DCAF1: variants seen among roughly 807,000 people sequenced by gnomAD.
The protein encoded by DCAF1 is DDB1 and CUL4 associated factor 1.
DCAF1 carries 15 observed loss-of-function variants against 128.0 expected under a neutral mutation model. The observed-to-expected ratio is 0.12, with a 90% CI of 0.08 to 0.18. The LOEUF is 0.18. DCAF1 is among the 10% of genes least tolerant of loss of function. DCAF1 has a pLI of 1.00. For missense variants in DCAF1, 988 were observed against 1,649.5 expected (o/e 0.60, Z 6.95); for synonymous variants, 610 against 603.0 (o/e 1.01, Z -0.17).
intron 3 of DCAF1, among the ~76,000 whole-genome samples, chr3:51,472,301 T>C (rs1185063729): frequency 6.6e-6 from 1 of 152,172 alleles, no homozygotes; most frequent in Non-Finnish European, 1.5e-5. Context: ...TCCCACCATC[T>C]AAGCCTCCAC....
intron 23 of DCAF1, among the ~76,000 whole-genome samples, chr3:51,406,342 CAAAAAA>C: frequency 2.1e-5 from 1 of 48,216 alleles, no homozygotes; most frequent in African/African-American, 8.6e-5. Context: ...GACTCTGTCT[CAAAAAA>C]AAAAAAAAAA....
chr3:51,477,490 G>A (rs973352273), intron 3 of DCAF1, among the ~76,000 whole-genome samples: 1 of 151,666 alleles, frequency 6.6e-6, no homozygotes, highest in Non-Finnish European at 1.5e-5. Context: ...AAAAATTAGT[G>A]GAGCATGGTA....
rs1022152294 is a variant in DCAF1, at chr3:51,427,520, G to T, written c.1699C>A (p.Gln567Lys). 3 of 762,276 alleles carry T rather than the reference G, an allele frequency of 3.9e-6. No homozygotes were observed. The highest frequency in any genetic ancestry group is 1.4e-5 in the South Asian group (1 of 71,898). The allele number at this position is 762,276 out of a possible 1,614,324, so 47.2% of individuals were successfully genotyped here. A position where few individuals can be genotyped will look rare whatever the true frequency, so the allele number is the denominator to read the frequency against. ...AAAAATTCCATCATTTCCACAATCT[G>T]TTCATGAGTATATGAGCATGCCTAT... ...PYKACSYTHE[Q>K]IVEMMEFLIE... Residue 567 changes from glutamine to lysine, a missense_variant, in exon 13 of 25, where the codon CAG (glutamine) becomes AAG (lysine). Physicochemically the swap from Gln to Lys is moderately conservative, Grantham distance 53 (BLOSUM62 1). Around this residue, in one of 11 missense-constraint regions of DCAF1, gnomAD observed 185 missense variants for 248.1 expected, o/e 0.75. Transcript: ENST00000684031.
At chr3:51,499,327 C>T (rs1708579700) in intron 1 of DCAF1, among the ~76,000 whole-genome samples, 1 of 152,204 alleles carries the variant, frequency 6.6e-6, no homozygotes, top group South Asian at 2.1e-4. Flanking sequence ...ATGGGAGGAG[C>T]GCCCGGAAAG....
chr3:51,468,692 C>T (rs1553647369), intron 4 of DCAF1, among the ~76,000 whole-genome samples: 1 of 152,056 alleles, frequency 6.6e-6, no homozygotes, highest in African/African-American at 2.4e-5. Flanking sequence ...ACCGTAGTTA[C>T]CTAATGTTAG....
chr3:51,410,180 G>A (rs1698267238), intron 23 of DCAF1, among the ~76,000 whole-genome samples: 1 of 152,208 alleles, frequency 6.6e-6, no homozygotes, highest in South Asian at 2.1e-4. Context: ...ACCAGGCCCT[G>A]AGGAAGGCTC....
At position 51,475,817 on chromosome 3, in the gene DCAF1, C is replaced by T. The variant is rs188929211; in HGVS notation, c.111-4812G>A. ...CGGAGCTTGCAGTGAGCCGAGATTG[C>T]GCCATCGCACTCCAGCCTGGGCGAC... is the stretch of plus-strand genomic sequence containing the variant. On this transcript the variant is annotated intron_variant, in intron 3 of 24. Transcript: ENST00000684031. Among the ~76,000 whole-genome samples, 740 of 151,628 alleles carry T rather than the reference C, an allele frequency of 4.9e-3. 6 individuals are homozygous for T. Among genetic ancestry groups the T allele is most frequent in the African/African-American group, 0.017 (701 of 41,372 alleles).
intron 3 of DCAF1, among the ~76,000 whole-genome samples, chr3:51,474,471 C>A (rs1025389479): frequency 6.6e-6 from 1 of 152,168 alleles, no homozygotes; most frequent in Non-Finnish European, 1.5e-5. Flanking sequence ...GCAAAAATTA[C>A]TGGTCCACTC....
chr3:51,454,105 CG>C (rs1400693142), intron 6 of DCAF1, among the ~76,000 whole-genome samples: 2 of 152,144 alleles, frequency 1.3e-5, no homozygotes, highest in African/African-American at 4.8e-5. Flanking sequence ...TGCGGCAGCA[CG>C]ATCAGGGCTA....
At chr3:51,406,317 T>C (rs1185620834) in intron 23 of DCAF1, among the ~76,000 whole-genome samples, 4 of 117,158 alleles carry the variant, frequency 3.4e-5, no homozygotes, top group Admixed American at 1.3e-4. Context: ...CACTCCAACC[T>C]GGACAACAGA....
intron 23 of DCAF1, among the ~76,000 whole-genome samples, chr3:51,409,627 C>T (rs1443880614): frequency 6.6e-6 from 1 of 152,186 alleles, no homozygotes; most frequent in Non-Finnish European, 1.5e-5. Flanking sequence ...CCACGGAGGA[C>T]AAAGCAGTCG....
chr3:51,433,925 A>G (rs1205442013), intron 9 of DCAF1, among the ~76,000 whole-genome samples: 1 of 151,316 alleles, frequency 6.6e-6, no homozygotes, highest in East Asian at 2.0e-4. Context: ...TACTAAAAAT[A>G]CAAAAAATTT....
At chr3:51,437,682 G>C (rs1455619019) in intron 9 of DCAF1, among the ~76,000 whole-genome samples, 1 of 151,974 alleles carries the variant, frequency 6.6e-6, no homozygotes, top group Non-Finnish European at 1.5e-5. Context: ...GGGCAGGGTG[G>C]TGCGCACCTG....
chr3:51,436,232 G>C (rs1267895061), intron 9 of DCAF1, among the ~76,000 whole-genome samples: 1 of 152,198 alleles, frequency 6.6e-6, no homozygotes, highest in African/African-American at 2.4e-5. Flanking sequence ...AGAGGGGTAA[G>C]AACACTGCTG....
downstream of DCAF1, chr3:51,397,504 A>G (rs532202871): frequency 6.0e-6 from 1 of 167,162 alleles, no homozygotes; most frequent in East Asian, 1.9e-4. Context: ...CCATCCTCCA[A>G]AACTTCCCAG....
intron 6 of DCAF1, among the ~76,000 whole-genome samples, chr3:51,449,569 T>C (rs1247317039): frequency 6.6e-6 from 1 of 151,944 alleles, no homozygotes; most frequent in East Asian, 1.9e-4. Flanking sequence ...CAAATCAAAT[T>C]AGGAACTAGG....
At chr3:51,416,034 T>C (rs1302944792) in intron 18 of DCAF1, among the ~76,000 whole-genome samples, 1 of 152,148 alleles carries the variant, frequency 6.6e-6, no homozygotes, top group Non-Finnish European at 1.5e-5. Flanking sequence ...GCTCCTCTCA[T>C]GTGTCAGGTG....
In DCAF1 at chr3:51,422,425, G is replaced by A. The variant is rs1012629866; in HGVS notation, c.1854C>T (p.Asp618=). The change falls in exon 14 of 25, where the codon GAC becomes GAT. Residue 618 remains aspartate, a synonymous_variant. Coordinates refer to ENST00000684031, the MANE Select transcript of DCAF1 (RefSeq NM_001387579.1). The part of the protein sequence containing the change: ...CNWKTYYARN[D]TVRFALDVLA... The stretch of plus-strand genomic sequence containing the variant: ...GGACATCCAAAGCAAAGCGCACAGT[G>A]TCATTCCTGGACAGGAAGAATTAGT... 2.1e-5 allele frequency: 15 copies of A among 721,860 alleles called. No individual in the cohort carries two copies. The African/African-American group carries it at 2.6e-4, about 13-fold the overall frequency. The allele number at this position is 721,860 out of a possible 1,614,324, so 44.7% of individuals were successfully genotyped here.
At chr3:51,460,714 T>G (rs1161405803) in intron 6 of DCAF1, among the ~76,000 whole-genome samples, 1 of 152,050 alleles carries the variant, frequency 6.6e-6, no homozygotes, top group African/African-American at 2.4e-5. Context: ...AAAACAGATA[T>G]ATAGACCAAT....
Sources: allele counts gnomAD v4.1 joint callset (sites outside exome capture counted in the v4.1 genomes callset), GRCh38; gene constraint gnomAD v4.1.1; regional missense constraint gnomAD v4.1.1; transcripts MANE v1.5; gene names NCBI Gene and HGNC (gene_info 2026-07-23, HGNC 2026-07-21).